The following LRRIQ1 variants were observed in gnomAD, a reference collection of about 807,000 sequenced individuals.
The protein encoded by LRRIQ1 is leucine rich repeats and IQ motif containing 1.
LRRIQ1 carries 210 observed loss-of-function variants against 211.9 expected under a neutral mutation model. That is an observed-to-expected ratio of 0.99 (90% CI 0.89 to 1.11). The LOEUF is 1.11. LRRIQ1 is among the 50% of genes most tolerant of loss of function. The probability of loss-of-function intolerance (pLI) is 0.00; values close to 1 mark genes in which losing one functional copy is unlikely to be tolerated. For synonymous variants in LRRIQ1, 699 were observed against 650.1 expected, an observed-to-expected ratio of 1.08 and a Z score of -1.14; for missense variants, 2,136 against 1,939.5, an observed-to-expected ratio of 1.10 and a Z score of -1.90.
intron 24 of LRRIQ1, among the ~76,000 whole-genome samples, chr12:85,228,774 A>G (rs984534593): frequency 1.6e-4 from 24 of 152,208 alleles, no homozygotes; most frequent in African/African-American, 4.8e-4. Flanking sequence ...AAATATGTAG[A>G]CTTTTTATGT....
At chr12:85,115,447 T>C (rs960428909) in intron 15 of LRRIQ1, among the ~76,000 whole-genome samples, 1 of 152,202 alleles carries the variant, frequency 6.6e-6, no homozygotes, top group Admixed American at 6.5e-5. Flanking sequence ...GATATTGTTA[T>C]AGTCTTAAAT....
intron 17 of LRRIQ1, among the ~76,000 whole-genome samples, chr12:85,127,522 T>TC (rs1195467974): frequency 6.6e-6 from 1 of 152,110 alleles, no homozygotes; most frequent in East Asian, 1.9e-4. Flanking sequence ...CACCACTTTT[T>TC]CCCCTTCTCT....
At position 85,103,516 on chromosome 12, in the gene LRRIQ1, C is replaced by T. The variant is rs1221456; in HGVS notation, c.3210-488C>T. On this transcript the variant is annotated intron_variant, in intron 13 of 26. Coordinates refer to ENST00000393217, the MANE Select transcript of LRRIQ1 (RefSeq NM_001079910.2). ...ACAAAACTAGTGATTAGTTAGTTCTCCTGTTGAAAAGTAGTAATTTCTCCT... is the reference window on the plus strand; with the variant it reads ...ACAAAACTAGTGATTAGTTAGTTCTTCTGTTGAAAAGTAGTAATTTCTCCT... Among the ~76,000 whole-genome samples, 676 of 151,680 alleles carry T rather than the reference C, an allele frequency of 4.5e-3. 2 individuals are homozygous for T. Among genetic ancestry groups the T allele is most frequent in the African/African-American group, 0.015 (643 of 41,496 alleles).
At chr12:85,177,016 A>G (rs777468999) in intron 24 of LRRIQ1, among the ~76,000 whole-genome samples, 1 of 152,128 alleles carries the variant, frequency 6.6e-6, no homozygotes, top group African/African-American at 2.4e-5. Context: ...GTCCAAACCT[A>G]CGTGATTTTG....
chr12:85,197,271 G>A (rs1391211526), intron 24 of LRRIQ1, among the ~76,000 whole-genome samples: 12 of 151,370 alleles, frequency 7.9e-5, no homozygotes, highest in Non-Finnish European at 1.6e-4. Context: ...TCAGTGTGGC[G>A]ATTCCTCAGG....
chr12:85,257,059 T>G (rs1314777370), intron 1 of LRRIQ1, among the ~76,000 whole-genome samples: 1 of 116,238 alleles, frequency 8.6e-6, no homozygotes, highest in African/African-American at 3.5e-5. Flanking sequence ...TATATATAAT[T>G]ATATAATTAT....
At chr12:85,186,787 C>T (rs570800387) in intron 24 of LRRIQ1, among the ~76,000 whole-genome samples, 6 of 151,696 alleles carry the variant, frequency 4.0e-5, no homozygotes, top group African/African-American at 1.2e-4. Flanking sequence ...ACATACATAC[C>T]TTTGCCTGCC....
chr12:85,260,241 T>C (rs1248131978), intron 1 of LRRIQ1, among the ~76,000 whole-genome samples: 3 of 151,294 alleles, frequency 2.0e-5, no homozygotes, highest in African/African-American at 4.9e-5. Flanking sequence ...GAGCCCAGCA[T>C]GTGGAGGCTT....
intron 24 of LRRIQ1, among the ~76,000 whole-genome samples, chr12:85,225,408 T>G (rs1181297700): frequency 6.6e-6 from 1 of 152,174 alleles, no homozygotes; most frequent in East Asian, 1.9e-4. Context: ...GTAAATGCCT[T>G]TAAATATTAA....
chr12:85,050,742 T>C (rs1880205841), intron 6 of LRRIQ1, among the ~76,000 whole-genome samples: 1 of 152,188 alleles, frequency 6.6e-6, no homozygotes, highest in Non-Finnish European at 1.5e-5. Flanking sequence ...TCCATAGCAC[T>C]GTCAGACAAC....
chr12:85,058,839 T>G (rs1020910536), intron 8 of LRRIQ1, among the ~76,000 whole-genome samples: 6 of 152,116 alleles, frequency 3.9e-5, no homozygotes, highest in Admixed American at 2.6e-4. Flanking sequence ...ATGTTGGTGC[T>G]GGTGAGTGGA....
chr12:85,154,061 A>C lies in LRRIQ1; in HGVS notation c.4687A>C (p.Lys1563Gln). The stretch of plus-strand genomic sequence containing the variant: ...TCAGCAAATGTTGAAGAGGGCACAG[A>C]AAATGAAATCGAAGAAACTAAAGAA... ...TAQQMLKRAQ[K>Q]MKSKKLKKKI... Residue 1563 changes from lysine (K) to glutamine (Q), a missense_variant, in exon 23 of 27, where the codon AAA (lysine) becomes CAA (glutamine). Transcript: ENST00000393217. 1 of 1,570,594 alleles carries C rather than the reference A, an allele frequency of 6.4e-7. No homozygotes were observed. The highest frequency in any genetic ancestry group is 8.6e-7 in the Non-Finnish European group (1 of 1,157,560).
intron 13 of LRRIQ1, 33 bp downstream of exon 13, chr12:85,099,027 ATGAT>A (rs1438340978): frequency 4.9e-6 from 7 of 1,418,238 alleles, no homozygotes; most frequent in Non-Finnish European, 6.7e-6. Flanking sequence ...AATTCAGTGA[ATGAT>A]TGTTTAAAAT....
chr12:85,116,070 A>G (rs540320718), intron 15 of LRRIQ1, among the ~76,000 whole-genome samples: 87 of 152,324 alleles, frequency 5.7e-4, no homozygotes, highest in Non-Finnish European at 1.0e-3. Context: ...CGGTGAACAA[A>G]TTATCGTAGT....
intron 6 of LRRIQ1, chr12:85,048,121 T>C (rs1426288191): frequency 2.0e-5 from 3 of 152,286 alleles, no homozygotes; most frequent in Non-Finnish European, 2.9e-5. Context: ...CATGACTGAC[T>C]TCTCTATCTT....
chr12:85,192,846 T>C lies in LRRIQ1; in HGVS notation c.4822+32132T>C, dbSNP rs186945292. Among the ~76,000 whole-genome samples the C allele has an allele frequency of 5.0e-3, 484 of 96,482 alleles. 8 individuals carry two copies. The highest frequency in any genetic ancestry group is 0.02 in the East Asian group (61 of 3,096). The allele number at this position is 96,482 out of a possible 152,430, so 63.3% of individuals were successfully genotyped here. A position where few individuals can be genotyped will look rare whatever the true frequency, so the allele number is the denominator to read the frequency against. ...TATATAGTTATATACTATAATTATA[T>C]ATAAATATATATAGTTATATATTAT... On this transcript the variant is annotated intron_variant, in intron 24 of 26. Transcript: ENST00000393217.
intron 24 of LRRIQ1, chr12:85,162,719 C>G (rs1336373490): frequency 2.2e-6 from 1 of 454,034 alleles, no homozygotes; most frequent in African/African-American, 2.0e-5. Flanking sequence ...TCCACATAAG[C>G]TTTACGATGT....
chr12:85,173,317 A>G (rs1053416754), intron 24 of LRRIQ1, among the ~76,000 whole-genome samples: 7 of 152,164 alleles, frequency 4.6e-5, no homozygotes, highest in Admixed American at 3.3e-4. Flanking sequence ...ATGTATATTA[A>G]ATGCTAAGGC....
At chr12:85,175,479 G>A (rs1891648712) in intron 24 of LRRIQ1, among the ~76,000 whole-genome samples, 1 of 152,122 alleles carries the variant, frequency 6.6e-6, no homozygotes. Context: ...GGAGATATAG[G>A]AAGTAATAAA....
Sources: allele counts gnomAD v4.1 joint callset (sites outside exome capture counted in the v4.1 genomes callset), GRCh38; gene constraint gnomAD v4.1.1; transcripts MANE v1.5; gene names NCBI Gene and HGNC (gene_info 2026-07-23, HGNC 2026-07-21).